CNTN5: variants seen among roughly 807,000 people sequenced by gnomAD.
CNTN5 encodes contactin 5, also known as contactin-5.
In CNTN5, 77 loss-of-function variants were observed where a neutral mutation model predicts 129.1. The ratio of observed to expected loss-of-function variants is 0.60; its 90% CI spans 0.50 to 0.72. The LOEUF (loss-of-function observed/expected upper bound fraction) is 0.72. CNTN5 is among the 30% of genes least tolerant of loss of function. CNTN5 has a pLI of 0.00. For synonymous variants in CNTN5, 509 were observed against 465.6 expected, an observed-to-expected ratio of 1.09 and a Z score of -1.20; for missense variants, 1,478 against 1,328.8, an observed-to-expected ratio of 1.11 and a Z score of -1.75.
At chr11:99,383,596 CT>C (rs34782381) in intron 2 of CNTN5, among the ~76,000 whole-genome samples, 39,721 of 145,014 alleles carry the variant, frequency 0.27, 5,392 homozygotes, top group Middle Eastern at 0.34. Flanking sequence ...TGAGAAGCTG[CT>C]TTTTTTTTTT....
chr11:99,982,633 T>C (rs2137366532), intron 8 of CNTN5, among the ~76,000 whole-genome samples: 1 of 152,240 alleles, frequency 6.6e-6, no homozygotes, highest in South Asian at 2.1e-4. Context: ...AATTTATTTA[T>C]TTTTTATGTA....
At chr11:99,411,290 G>A (rs12288556) in intron 2 of CNTN5, among the ~76,000 whole-genome samples, 26,248 of 152,040 alleles carry the variant, frequency 0.17, 2,337 homozygotes, top group East Asian at 0.22. Context: ...CACTTTGGGA[G>A]GCCACAGACA....
At chr11:99,861,366 G>T (rs1320514067) in intron 6 of CNTN5, among the ~76,000 whole-genome samples, 1 of 152,056 alleles carries the variant, frequency 6.6e-6, no homozygotes, top group Non-Finnish European at 1.5e-5. Context: ...TTTTTTGTAG[G>T]TCATGCTTTC....
intron 2 of CNTN5, among the ~76,000 whole-genome samples, chr11:99,370,343 G>A (rs568821465): frequency 3.3e-5 from 5 of 152,216 alleles, no homozygotes; most frequent in African/African-American, 7.2e-5. Flanking sequence ...TTCAAGGATC[G>A]CAAGTTTTTA....
chr11:99,995,118 A>G lies in CNTN5; in HGVS notation c.878-6916A>G, dbSNP rs115018756. On this transcript the variant is annotated intron_variant, in intron 8 of 24. Coordinates refer to ENST00000524871, the MANE Select transcript of CNTN5 (RefSeq NM_014361.4). ...TGCAGCAAATTTTAGACTGGAAAGT[A>G]ATTGAGGGAGTTAGCCTTTTAGAGT... is the stretch of plus-strand genomic sequence containing the variant. Among the ~76,000 whole-genome samples, 1,123 of 152,302 alleles carry G rather than the reference A, an allele frequency of 7.4e-3. 16 individuals carry two copies. The highest frequency in any genetic ancestry group is 0.026 in the African/African-American group (1,077 of 41,562).
intron 13 of CNTN5, among the ~76,000 whole-genome samples, chr11:100,175,105 T>A (rs1447741150): frequency 2.0e-5 from 3 of 152,148 alleles, no homozygotes; most frequent in Non-Finnish European, 4.4e-5. Context: ...TCCTCTTCTG[T>A]CAGCCTGGAT....
At chr11:99,058,200 T>C (rs541866030) in intron 1 of CNTN5, among the ~76,000 whole-genome samples, 34 of 152,162 alleles carry the variant, frequency 2.2e-4, no homozygotes, top group African/African-American at 7.7e-4. Context: ...GGCTTTCTTC[T>C]GACTGAGTAG....
chr11:100,124,563 T>C (rs983099525), intron 13 of CNTN5, among the ~76,000 whole-genome samples: 10 of 152,072 alleles, frequency 6.6e-5, no homozygotes, highest in African/African-American at 2.4e-4. Context: ...GACAGATTTC[T>C]GGCAATGAGC....
At chr11:99,874,443 T>G (rs1382449630) in intron 6 of CNTN5, among the ~76,000 whole-genome samples, 3 of 152,106 alleles carry the variant, frequency 2.0e-5, no homozygotes, top group Non-Finnish European at 4.4e-5. Context: ...CAGACTCAGG[T>G]TGGAGCCCTT....
intron 3 of CNTN5, among the ~76,000 whole-genome samples, chr11:99,773,589 A>G (rs1251427439): frequency 6.6e-6 from 1 of 152,068 alleles, no homozygotes; most frequent in African/African-American, 2.4e-5. Context: ...CCTTACACAT[A>G]GGAAAAAAAA....
intron 3 of CNTN5, among the ~76,000 whole-genome samples, chr11:99,649,389 T>C (rs907613570): frequency 6.6e-6 from 1 of 151,768 alleles, no homozygotes; most frequent in African/African-American, 2.4e-5. Context: ...TAAGGTAGAA[T>C]TGTCATTAGG....
intron 3 of CNTN5, among the ~76,000 whole-genome samples, chr11:99,773,661 TAA>T (rs1471290538): frequency 3.3e-5 from 5 of 151,920 alleles, no homozygotes; most frequent in African/African-American, 1.2e-4. Flanking sequence ...AATAATTTTT[TAA>T]AGTGATAATA....
At chr11:99,091,330 G>A (rs954825164) in intron 1 of CNTN5, among the ~76,000 whole-genome samples, 2 of 152,064 alleles carry the variant, frequency 1.3e-5, no homozygotes. Flanking sequence ...TGATTACTGG[G>A]GCTAATCAGG....
chr11:99,752,726 GC>G (rs1050208769), intron 3 of CNTN5, among the ~76,000 whole-genome samples: 1 of 152,044 alleles, frequency 6.6e-6, no homozygotes, highest in African/African-American at 2.4e-5. Context: ...ACAAACACAG[GC>G]CCCATGGTAT....
intron 3 of CNTN5, among the ~76,000 whole-genome samples, chr11:99,719,558 T>C (rs1050813910): frequency 6.6e-6 from 1 of 151,966 alleles, no homozygotes; most frequent in African/African-American, 2.4e-5. Flanking sequence ...TAAGGGGAAA[T>C]TTATAGCACT....
At chr11:99,374,343 G>T (rs55970339) in intron 2 of CNTN5, among the ~76,000 whole-genome samples, 18,084 of 152,100 alleles carry the variant, frequency 0.12, 2,022 homozygotes, top group African/African-American at 0.29. Context: ...CAGATACATC[G>T]GAACCTTGGC....
At chr11:99,360,416 C>T (rs1186656098) in intron 2 of CNTN5, among the ~76,000 whole-genome samples, 1 of 152,116 alleles carries the variant, frequency 6.6e-6, no homozygotes, top group Admixed American at 6.6e-5. Context: ...GTTCTCTGTT[C>T]GGCTCCATGG....
chr11:99,452,372 G>GTTTTTTTTTTTT (rs71463577), intron 2 of CNTN5, among the ~76,000 whole-genome samples: 1 of 104,356 alleles, frequency 9.6e-6, no homozygotes, highest in African/African-American at 3.6e-5. Flanking sequence ...AAACACAGGT[G>GTTTTTTTTTTTT]TTTTTTTTTT....
At chr11:99,059,209 G>T (rs1864768895) in intron 1 of CNTN5, among the ~76,000 whole-genome samples, 1 of 151,710 alleles carries the variant, frequency 6.6e-6, no homozygotes, top group South Asian at 2.1e-4. Flanking sequence ...ATTGCAATGA[G>T]GATTCATGGT....
Sources: gnomAD v4.1 joint callset for allele counts (sites outside exome capture counted in the v4.1 genomes callset) on GRCh38, gnomAD v4.1.1 for gene constraint, MANE v1.5 for transcripts, NCBI Gene and HGNC (gene_info 2026-07-23, HGNC 2026-07-21) for gene names.